Variants in SKIC3 observed in about 807,000 individuals in gnomAD.
SKIC3 encodes the protein superkiller complex protein 3.
At chr5:95,481,917 T>C in the SKIC3 span, among the ~76,000 whole-genome samples, 13 of 152,186 alleles carry the variant, frequency 8.5e-5, no homozygotes, top group Non-Finnish European at 1.3e-4. Context: ...AGAGGAAATA[T>C]AATAAATTGT....
chr5:95,500,522 A>G, the SKIC3 span, among the ~76,000 whole-genome samples: 1 of 152,236 alleles, frequency 6.6e-6, no homozygotes, highest in Admixed American at 6.5e-5. Context: ...TTTATTTTAT[A>G]CATCACTAAC....
chr5:95,493,348 G>A, the SKIC3 span, among the ~76,000 whole-genome samples: 3 of 152,148 alleles, frequency 2.0e-5, no homozygotes, highest in East Asian at 3.9e-4. Context: ...GAACATCAGA[G>A]ATCATTAGAG....
the SKIC3 span, among the ~76,000 whole-genome samples, chr5:95,484,471 C>T: frequency 4.6e-5 from 7 of 151,194 alleles, no homozygotes; most frequent in East Asian, 1.2e-3. Context: ...CTCAGCCTCT[C>T]GAGTAGCAGG....
chr5:95,529,108 A>C, the SKIC3 span: 1 of 1,613,204 alleles, frequency 6.2e-7, no homozygotes, highest in Non-Finnish European at 8.5e-7. Context: ...TAACCCTAAA[A>C]GGATAAAAAC....
chr5:95,552,032 A>G, the SKIC3 span, among the ~76,000 whole-genome samples: 1 of 152,190 alleles, frequency 6.6e-6, no homozygotes, highest in Admixed American at 6.6e-5. Context: ...TTGCTCTCTC[A>G]AGAAGTAAAC....
At chr5:95,550,865 G>C in the SKIC3 span, 1 of 151,892 alleles carries the variant, frequency 6.6e-6, no homozygotes. Flanking sequence ...ATATTCCTGG[G>C]CCTCAGATGA....
the SKIC3 span, among the ~76,000 whole-genome samples, chr5:95,548,092 C>T: frequency 6.6e-6 from 1 of 151,980 alleles, no homozygotes; most frequent in Non-Finnish European, 1.5e-5. Context: ...GATTACACAA[C>T]TTATTCTGGC....
chr5:95,470,409 A>T, the SKIC3 span, among the ~76,000 whole-genome samples: 3 of 152,236 alleles, frequency 2.0e-5, no homozygotes, highest in Non-Finnish European at 4.4e-5. Flanking sequence ...GTAGACTGGG[A>T]TAAAGGAGGT....
chr5:95,497,514 T>G, the SKIC3 span: 1 of 1,593,000 alleles, frequency 6.3e-7, no homozygotes, highest in Admixed American at 1.7e-5. Flanking sequence ...GTAGCAGGCT[T>G]AGGGACAAGT....
At chr5:95,483,342 T>C in the SKIC3 span, among the ~76,000 whole-genome samples, 2 of 152,182 alleles carry the variant, frequency 1.3e-5, no homozygotes, top group African/African-American at 4.8e-5. Context: ...ACTCATTAGA[T>C]CTTAAATGTA....
chr5:95,522,098 T>A, the SKIC3 span: 2 of 1,613,824 alleles, frequency 1.2e-6, no homozygotes, highest in Non-Finnish European at 1.7e-6. Flanking sequence ...AATGATCATC[T>A]GGTATTGAGC....
the SKIC3 span, among the ~76,000 whole-genome samples, chr5:95,550,401 A>AG: frequency 6.6e-6 from 1 of 151,858 alleles, no homozygotes. Context: ...AATTACAGAA[A>AG]GGAAAAAAAA....
the SKIC3 span, among the ~76,000 whole-genome samples, chr5:95,542,518 G>C: frequency 6.6e-6 from 1 of 152,114 alleles, no homozygotes; most frequent in Non-Finnish European, 1.5e-5. Context: ...AGTAGTCTGT[G>C]AAAATTGTCA....
the SKIC3 span, among the ~76,000 whole-genome samples, chr5:95,492,266 T>A: frequency 6.6e-6 from 1 of 152,186 alleles, no homozygotes; most frequent in East Asian, 1.9e-4. Context: ...ATGACAGCCT[T>A]AGATCTGGGT....
the SKIC3 span, among the ~76,000 whole-genome samples, chr5:95,483,807 C>T: frequency 1.3e-5 from 2 of 152,204 alleles, no homozygotes; most frequent in African/African-American, 4.8e-5. Context: ...CAAGGTAATA[C>T]ACATTTATTC....
the SKIC3 span, among the ~76,000 whole-genome samples, chr5:95,485,165 T>C: frequency 6.6e-6 from 1 of 152,232 alleles, no homozygotes; most frequent in East Asian, 1.9e-4. Flanking sequence ...TTTCAAACTA[T>C]ACAATCTGAT....
the SKIC3 span, among the ~76,000 whole-genome samples, chr5:95,535,063 C>T: frequency 6.6e-6 from 1 of 152,298 alleles, no homozygotes; most frequent in South Asian, 2.1e-4. Context: ...TTTCTATCTT[C>T]ACTATCATAC....
chr5:95,530,152 CA>C, the SKIC3 span: 74 of 1,613,552 alleles, frequency 4.6e-5, no homozygotes, highest in Non-Finnish European at 6.0e-5. Context: ...ATGCCTAAGC[CA>C]ATGAGGCCTG....
chr5:95,502,876 A>T, the SKIC3 span: 1 of 1,613,298 alleles, frequency 6.2e-7, no homozygotes, highest in Non-Finnish European at 8.5e-7. Flanking sequence ...TCAACTATAC[A>T]TACCATTTAA....
Sources: allele counts gnomAD v4.1 joint callset (sites outside exome capture counted in the v4.1 genomes callset), GRCh38; gene constraint gnomAD v4.1.1; transcripts MANE v1.5; gene names NCBI Gene and HGNC (gene_info 2026-07-23, HGNC 2026-07-21).